The following ALK variants were observed in gnomAD, a reference collection of about 807,000 sequenced individuals.
ALK encodes the protein ALK receptor tyrosine kinase, also known as ALK tyrosine kinase receptor.
A neutral mutation model predicts 163.1 loss-of-function variants in ALK; 74 were observed. That is an observed-to-expected ratio of 0.45 (90% confidence interval 0.38 to 0.55). The LOEUF (loss-of-function observed/expected upper bound fraction) is 0.55, where lower values mean the gene tolerates loss of function less well. Ranked by LOEUF, ALK falls within the 20% of genes least tolerant of loss-of-function variation. The pLI, the probability that ALK is intolerant of heterozygous loss-of-function variation, is 0.00. For synonymous variants in ALK, 960 were observed against 843.2 expected (o/e 1.14, Z -2.40); for missense variants, 2,063 against 2,105.3 (o/e 0.98, Z 0.39).
intron 15 of ALK, among the ~76,000 whole-genome samples, chr2:29,230,970 C>G (rs1664184897): frequency 6.6e-6 from 1 of 152,188 alleles, no homozygotes; most frequent in Non-Finnish European, 1.5e-5. Flanking sequence ...CATACCCGTT[C>G]TGCAGCCTTC....
At chr2:29,705,240 AATATATATATATATATATATATAT>A (rs1172702963) in intron 2 of ALK, among the ~76,000 whole-genome samples, 3 of 47,122 alleles carry the variant, frequency 6.4e-5, no homozygotes, top group African/African-American at 1.2e-4. Context: ...AAAGAAAAGA[AATATATATATATATATATATATAT>A]ATATATATAT....
At chr2:29,317,517 G>C (rs190357922) in intron 8 of ALK, among the ~76,000 whole-genome samples, 1 of 152,314 alleles carries the variant, frequency 6.6e-6, no homozygotes, top group Admixed American at 6.5e-5. Context: ...AAATACTGCA[G>C]TGCTTACTTT....
intron 5 of ALK, among the ~76,000 whole-genome samples, chr2:29,362,795 C>T (rs1357622038): frequency 6.6e-6 from 1 of 152,172 alleles, no homozygotes; most frequent in Non-Finnish European, 1.5e-5. Flanking sequence ...TTGCCCGGCA[C>T]CTAGTTTGAT....
At chr2:29,661,565 G>A (rs953502086) in intron 3 of ALK, among the ~76,000 whole-genome samples, 2 of 152,194 alleles carry the variant, frequency 1.3e-5, no homozygotes, top group Non-Finnish European at 2.9e-5. Flanking sequence ...AACAGGTGAT[G>A]TTCTAAGACC....
intron 3 of ALK, among the ~76,000 whole-genome samples, chr2:29,587,097 G>C (rs868003860): frequency 8.5e-5 from 13 of 152,166 alleles, no homozygotes; most frequent in African/African-American, 2.4e-4. Flanking sequence ...TCTCTTGGGT[G>C]ACCAGTTAGA....
intron 1 of ALK, among the ~76,000 whole-genome samples, chr2:29,831,629 T>A (rs1412259530): frequency 1.3e-5 from 2 of 152,146 alleles, no homozygotes; most frequent in Non-Finnish European, 2.9e-5. Context: ...ACAACTCAAG[T>A]CTGGCCAGTG....
intron 5 of ALK, among the ~76,000 whole-genome samples, chr2:29,346,048 A>C (rs1005185577): frequency 3.3e-5 from 5 of 152,154 alleles, no homozygotes; most frequent in African/African-American, 1.2e-4. Context: ...GACATATATA[A>C]CTTTTACAAT....
At chr2:29,431,319 C>T (rs1337465754) in intron 4 of ALK, among the ~76,000 whole-genome samples, 2 of 152,152 alleles carry the variant, frequency 1.3e-5, no homozygotes, top group Non-Finnish European at 2.9e-5. Flanking sequence ...GCTGTGTCTA[C>T]AAGACAGAGG....
chr2:29,834,518 A>C (rs1258610734), intron 1 of ALK, among the ~76,000 whole-genome samples: 1 of 152,170 alleles, frequency 6.6e-6, no homozygotes, highest in Non-Finnish European at 1.5e-5. Context: ...AACAGTAAAG[A>C]TTTTTCAAAG....
rs1032862069 is a variant in ALK at position 29,696,724 on chromosome 2, C to T, written c.788-1710G>A. Among the ~76,000 whole-genome samples the T allele has an allele frequency of 8.6e-5, 13 of 151,834 alleles. 1 individual carries two copies. Among genetic ancestry groups the T allele is most frequent in the African/African-American group, 3.1e-4 (13 of 41,312 alleles). On this transcript the variant is annotated intron_variant, in intron 2 of 28. Coordinates refer to ENST00000389048, the MANE Select transcript of ALK (RefSeq NM_004304.5). ...GAGAATCACTGCCACTTTCTGCACA[C>T]GTGTCGTATGAAGAGCATGTTCCTG...
intron 4 of ALK, among the ~76,000 whole-genome samples, chr2:29,416,477 C>G (rs1348872210): frequency 6.6e-6 from 1 of 152,172 alleles, no homozygotes; most frequent in Non-Finnish European, 1.5e-5. Flanking sequence ...CTTCAGGGAT[C>G]TAGTTCTGAG....
At chr2:29,294,095 C>T (rs1165145877) in intron 9 of ALK, among the ~76,000 whole-genome samples, 2 of 152,254 alleles carry the variant, frequency 1.3e-5, no homozygotes, top group Non-Finnish European at 2.9e-5. Flanking sequence ...GCAGGTGGCG[C>T]CAGGTGTTAC....
intron 5 of ALK, among the ~76,000 whole-genome samples, chr2:29,366,877 T>C (rs556821576): frequency 6.6e-6 from 1 of 152,328 alleles, no homozygotes; most frequent in South Asian, 2.1e-4. Context: ...AAGAGCTAAG[T>C]TTAATTTTTA....
At chr2:29,487,635 A>C (rs997762051) in intron 4 of ALK, among the ~76,000 whole-genome samples, 1 of 152,134 alleles carries the variant, frequency 6.6e-6, no homozygotes, top group African/African-American at 2.4e-5. Context: ...CCTAATAGAA[A>C]TATAGGGTTA....
intron 1 of ALK, among the ~76,000 whole-genome samples, chr2:29,812,503 T>C (rs966110879): frequency 3.3e-5 from 5 of 152,134 alleles, no homozygotes; most frequent in Non-Finnish European, 7.4e-5. Context: ...CTGAGTGTCT[T>C]CTATGCACCA....
chr2:29,605,272 G>A (rs1675511858), intron 3 of ALK, among the ~76,000 whole-genome samples: 1 of 152,198 alleles, frequency 6.6e-6, no homozygotes, highest in African/African-American at 2.4e-5. Context: ...CTGACAGGAG[G>A]TGGAGCTCAG....
intron 4 of ALK, among the ~76,000 whole-genome samples, chr2:29,511,215 C>A (rs1672501980): frequency 6.6e-6 from 1 of 152,096 alleles, no homozygotes; most frequent in African/African-American, 2.4e-5. Context: ...CAACTACATT[C>A]CAAATATAGA....
intron 4 of ALK, among the ~76,000 whole-genome samples, chr2:29,468,077 C>T (rs536026601): frequency 2.0e-5 from 3 of 151,306 alleles, no homozygotes; most frequent in Admixed American, 6.6e-5. Context: ...GTTGCCCAGG[C>T]TGGAGTAGTG....
chr2:29,673,807 A>C (rs1220809095), intron 3 of ALK, among the ~76,000 whole-genome samples: 13 of 151,300 alleles, frequency 8.6e-5, no homozygotes, highest in African/African-American at 2.9e-4. Context: ...TTCCTACCCA[A>C]GAGCATGGAA....
Sources: allele counts gnomAD v4.1 joint callset (sites outside exome capture counted in the v4.1 genomes callset), GRCh38; gene constraint gnomAD v4.1.1; transcripts MANE v1.5; gene names NCBI Gene and HGNC (gene_info 2026-07-23, HGNC 2026-07-21).